Variants in RIF1 observed in about 807,000 individuals in gnomAD.
RIF1 encodes the protein replication timing regulatory factor 1, also known as telomere-associated protein RIF1.
In RIF1, 45 loss-of-function variants were observed where a neutral mutation model predicts 247.1. The observed-to-expected ratio is 0.18, with a 90% CI of 0.14 to 0.23. RIF1 has a LOEUF of 0.23. Among genes scored for constraint, RIF1 ranks in the 10% least tolerant of loss-of-function variants. The probability of loss-of-function intolerance (pLI) is 1.00; values close to 1 mark genes in which losing one functional copy is unlikely to be tolerated. For missense variants in RIF1, 2,967 were observed against 2,862.5 expected (o/e 1.04, Z -0.83); for synonymous variants, 1,087 against 978.8 (o/e 1.11, Z -2.06).
chr2:151,431,120 A>G lies in RIF1; in HGVS notation c.926-1957A>G, dbSNP rs559234200. Among the ~76,000 whole-genome samples, 5 of 152,356 alleles carry G rather than the reference A, an allele frequency of 3.3e-5. No homozygotes were observed. The East Asian group carries it at 7.7e-4, about 24-fold the overall frequency. ...GTAGTTTAAAGATAGTAAGTTAAAA[A>G]TAAGTTCAGAGCTAGGGAATCCATG... On this transcript the variant is annotated intron_variant, in intron 9 of 35. Transcript: ENST00000444746.
rs752269554 is a variant in RIF1, at chr2:151,506,250, A to G, written c.*902A>G. On this transcript the variant is annotated 3_prime_UTR_variant and NMD_transcript_variant, in exon 13 of 14. Transcript: ENST00000454583. The stretch of plus-strand genomic sequence containing the variant: ...CCGTTCCTGGTGAGACATCCTCTTT[A>G]TATAAAACCTGGGCATTCAGAATCA... 2.5e-6 allele frequency: 4 copies of G among 1,612,046 alleles called. No homozygotes were observed. The highest frequency in any genetic ancestry group is 3.4e-6 in the Non-Finnish European group (4 of 1,178,158).
chr2:151,526,509 G>A, the RIF1 span, among the ~76,000 whole-genome samples: 27 of 152,206 alleles, frequency 1.8e-4, no homozygotes, highest in South Asian at 5.4e-3. Flanking sequence ...TTCACAGCAC[G>A]CTCAGATATG....
chr2:151,507,421 T>G (rs1156482672), intron 13 of RIF1, among the ~76,000 whole-genome samples: 2 of 152,216 alleles, frequency 1.3e-5, no homozygotes, highest in East Asian at 1.9e-4. Context: ...CTCTGTTTTT[T>G]CCTGAAGCAG....
At chr2:151,454,420 G>A (rs1202049113) in intron 21 of RIF1, among the ~76,000 whole-genome samples, 1 of 152,010 alleles carries the variant, frequency 6.6e-6, no homozygotes, top group African/African-American at 2.4e-5. Flanking sequence ...TCTCTGACTT[G>A]TTCAATGTTA....
intron 10 of RIF1, chr2:151,498,190 A>AT (rs1348768923): frequency 6.5e-7 from 1 of 1,548,108 alleles, no homozygotes; most frequent in African/African-American, 1.4e-5. Flanking sequence ...TCAAACAAAA[A>AT]TAAATAAATG....
At chr2:151,510,169 C>A (rs961539487), downstream of RIF1, among the ~76,000 whole-genome samples, 3 of 152,190 alleles carry the variant, frequency 2.0e-5, no homozygotes, top group African/African-American at 7.2e-5. Flanking sequence ...CGTATGTTGT[C>A]TCCTGCTAAA....
At chr2:151,501,555 C>T (rs2064579259) in intron 11 of RIF1, 1 of 804,760 alleles carries the variant, frequency 1.2e-6, no homozygotes, top group East Asian at 3.0e-5. Flanking sequence ...CCTAAAAAAA[C>T]AGCCTAAAAG....
At chr2:151,508,131 TAAG>T (rs1431154267), downstream of RIF1, 13 of 1,529,140 alleles carry the variant, frequency 8.5e-6, no homozygotes, top group East Asian at 4.6e-5. Flanking sequence ...TTCCAAGAAA[TAAG>T]GAGGGTAAAC....
chr2:151,411,125 A>G (rs1273639557), intron 2 of RIF1, 135 bp from the exon 3 acceptor site: 2 of 626,794 alleles, frequency 3.2e-6, no homozygotes, highest in African/African-American at 3.7e-5. Context: ...GTATACCCTT[A>G]AGGACCTTAC....
the RIF1 span, among the ~76,000 whole-genome samples, chr2:151,521,246 G>C: frequency 6.6e-6 from 1 of 152,142 alleles, no homozygotes; most frequent in African/African-American, 2.4e-5. Flanking sequence ...ACAATGCTGA[G>C]ACTCCTTTAC....
chr2:151,439,560 T>G (rs768211846), intron 14 of RIF1, among the ~76,000 whole-genome samples: 7 of 149,606 alleles, frequency 4.7e-5, no homozygotes, highest in Non-Finnish European at 8.9e-5. Context: ...CCCCAGCTAC[T>G]CAGGAGGCTG....
At chr2:151,525,343 G>T in the RIF1 span, 1 of 1,139,458 alleles carries the variant, frequency 8.8e-7, no homozygotes, top group Non-Finnish European at 1.3e-6. Context: ...TTGAAGAACT[G>T]TGAAATCTCC....
intron 5 of RIF1, 34 bp from the exon 6 acceptor site, chr2:151,416,773 T>C: frequency 6.2e-7 from 1 of 1,602,122 alleles, no homozygotes. Flanking sequence ...AGTTCAGGCT[T>C]ATTTCATTTG....
In RIF1 at chr2:151,492,062, A is replaced by T. The variant is rs766796457; in HGVS notation, c.*416-3167A>T. 99 of 1,598,636 alleles carry T rather than the reference A, an allele frequency of 6.2e-5. 1 individual carries two copies. The South Asian group carries it at 1.1e-3, about 18-fold the overall frequency. On this transcript the variant is annotated intron_variant and NMD_transcript_variant, in intron 9 of 13. Coordinates refer to the RIF1 transcript ENST00000454583. ...CTTTTGTTCTTCTACCCCCTCACTTAAAGTTAATCCCCTCCCCCAACCCAG... is the reference window on the plus strand; with the variant it reads ...CTTTTGTTCTTCTACCCCCTCACTTTAAGTTAATCCCCTCCCCCAACCCAG...
At chr2:151,424,995 T>C (rs377717054) in intron 8 of RIF1, among the ~76,000 whole-genome samples, 14 of 152,170 alleles carry the variant, frequency 9.2e-5, no homozygotes, top group African/African-American at 3.1e-4. Context: ...AACTCTTCTG[T>C]AGCAGCTGCC....
chr2:151,486,015 T>G, downstream of RIF1: 2 of 1,401,096 alleles, frequency 1.4e-6, no homozygotes, highest in Non-Finnish European at 2.0e-6. Flanking sequence ...AGATCTCTCA[T>G]GACTGACTCC....
chr2:151,467,749 G>A (rs1270167837), intron 30 of RIF1, among the ~76,000 whole-genome samples: 2 of 152,112 alleles, frequency 1.3e-5, no homozygotes, highest in Non-Finnish European at 2.9e-5. Flanking sequence ...TTAAGTTTTT[G>A]TTACTGTGCC....
chr2:151,485,766 A>C (rs1458192226), downstream of RIF1: 2 of 1,608,676 alleles, frequency 1.2e-6, no homozygotes, highest in Admixed American at 3.3e-5. Context: ...ATGCCTAAAT[A>C]GCTTCAACGT....
intron 11 of RIF1, among the ~76,000 whole-genome samples, chr2:151,502,252 C>A (rs942735262): frequency 6.6e-6 from 1 of 152,090 alleles, no homozygotes; most frequent in African/African-American, 2.4e-5. Flanking sequence ...GAATAAAACA[C>A]TACAAATATG....
Sources: allele counts gnomAD v4.1 joint callset (sites outside exome capture counted in the v4.1 genomes callset), GRCh38; gene constraint gnomAD v4.1.1; transcripts MANE v1.5; gene names NCBI Gene and HGNC (gene_info 2026-07-23, HGNC 2026-07-21).